KLHL6: variants seen among roughly 807,000 people sequenced by gnomAD.
The protein encoded by KLHL6 is kelch-like protein 6.
In KLHL6, 41 loss-of-function variants were observed where a neutral mutation model predicts 58.6. That is an observed-to-expected ratio of 0.70 (90% CI 0.55 to 0.91). The LOEUF (loss-of-function observed/expected upper bound fraction) is 0.91. Among genes scored for constraint, KLHL6 ranks in the 40% least tolerant of loss-of-function variants. The pLI, the probability that KLHL6 is intolerant of heterozygous loss-of-function variation, is 0.00. For missense variants in KLHL6, 714 were observed against 805.6 expected, an observed-to-expected ratio of 0.89 and a Z score of 1.38; for synonymous variants, 338 against 322.7, an observed-to-expected ratio of 1.05 and a Z score of -0.51.
intron 2 of KLHL6, among the ~76,000 whole-genome samples, chr3:183,515,667 C>T (rs1329667642): frequency 6.6e-6 from 1 of 152,210 alleles, no homozygotes; most frequent in Non-Finnish European, 1.5e-5. Flanking sequence ...ACATGGAATC[C>T]CTCCCTCCTC....
At chr3:183,551,272 G>C (rs1413442341) in intron 1 of KLHL6, among the ~76,000 whole-genome samples, 3 of 152,142 alleles carry the variant, frequency 2.0e-5, no homozygotes, top group Non-Finnish European at 4.4e-5. Flanking sequence ...ACAGTCCCGG[G>C]GAATGATGGA....
chr3:183,517,948 C>T (rs1001560711), intron 2 of KLHL6, among the ~76,000 whole-genome samples: 17 of 152,128 alleles, frequency 1.1e-4, no homozygotes, highest in East Asian at 1.9e-4. Context: ...GAAGCAGCCC[C>T]GTGAACACAG....
In KLHL6 at chr3:183,499,518, T is replaced by A. The variant is rs537827129; in HGVS notation, c.1147+72A>T. ...TTCACAGTAATTCTTCTAGGATGGT[T>A]GCCTGGCTGCCACTCAGGAATATAT... On this transcript the variant is annotated intron_variant, in intron 4 of 6. Coordinates refer to ENST00000341319, the MANE Select transcript of KLHL6 (RefSeq NM_130446.4). The surrounding 1 kb of genome is among the most constrained non-coding windows in gnomAD (Gnocchi z 4.6). The A allele has an allele frequency of 5.7e-5, 57 of 1,001,202 alleles. 1 individual carries two copies. The East Asian group carries it at 1.4e-3, about 24-fold the overall frequency. 62.0% of individuals were successfully genotyped at this position (1,001,202 alleles called of 1,614,324 possible).
chr3:183,538,366 A>AT (rs1040099457), intron 1 of KLHL6, among the ~76,000 whole-genome samples: 7 of 151,912 alleles, frequency 4.6e-5, no homozygotes, highest in Non-Finnish European at 1.0e-4. Context: ...CACTCCCACT[A>AT]TCTCACTCCT....
intron 2 of KLHL6, among the ~76,000 whole-genome samples, chr3:183,518,242 ACT>A (rs373925657): frequency 6.6e-6 from 1 of 151,480 alleles, no homozygotes; most frequent in Non-Finnish European, 1.5e-5. Context: ...TGAGCTGAAC[ACT>A]CTCTCTCTCT....
chr3:183,491,721 C>A lies in KLHL6; in HGVS notation c.*206G>T, dbSNP rs1448428950. On this transcript the variant is annotated 3_prime_UTR_variant, in exon 7 of 7. Coordinates refer to ENST00000341319, the MANE Select transcript of KLHL6 (RefSeq NM_130446.4). ...AATATTACTCTTCCTCGCCTCCCCT[C>A]CTGAGGTAGGTCATGCAAACATTCC... The A allele has an allele frequency of 4.7e-6, 2 of 429,412 alleles. No individual in the cohort carries two copies. The highest frequency in any genetic ancestry group is 8.1e-6 in the Non-Finnish European group (2 of 246,916). The allele number at this position is 429,412 out of a possible 1,614,324, so 26.6% of individuals were successfully genotyped here.
In KLHL6 at chr3:183,491,987, G is replaced by A. The variant is rs762141626; in HGVS notation, c.1806C>T (p.Val602=). The change falls in exon 7 of 7, where the codon GTC becomes GTT. Residue 602 remains valine (V), a synonymous_variant. Transcript: ENST00000341319. The stretch of plus-strand genomic sequence containing the variant: ...TGTGGGTGTACGACTTCCTGATGGT[G>A]ACGCTGCCGTGGTGCGACACGCCCC... The part of the protein sequence containing the change: ...LPRGVSHHGS[V]TIRKSYTHIR... 3 of 1,578,146 alleles carry A rather than the reference G, an allele frequency of 1.9e-6. No individual in the cohort carries two copies. Among genetic ancestry groups the A allele is most frequent in the Non-Finnish European group, 2.6e-6 (3 of 1,159,868 alleles).
Position 183,489,191 on chromosome 3 carries a change from C to T in KLHL6, c.*2736G>A, listed in dbSNP as rs1411984027. ...GGCGCTGTCTTTTTGAAGGGAGGCT[C>T]CCTGTGTATGCCAGTACCATTGTCA... On this transcript the variant is annotated 3_prime_UTR_variant, in exon 7 of 7. Coordinates refer to ENST00000341319, the MANE Select transcript of KLHL6 (RefSeq NM_130446.4). 6.6e-6 allele frequency: 1 copy of T among 152,150 alleles called. No individual in the cohort carries two copies. The highest frequency in any genetic ancestry group is 1.5e-5 in the Non-Finnish European group (1 of 68,030). The allele number at this position is 152,150 out of a possible 1,614,324, so 9.4% of individuals were successfully genotyped here. A position where few individuals can be genotyped will look rare whatever the true frequency, so the allele number is the denominator to read the frequency against.
At chr3:183,555,294 T>A (rs1027091659) in intron 1 of KLHL6, 67 bp downstream of exon 1, 6 of 1,354,734 alleles carry the variant, frequency 4.4e-6, no homozygotes, top group Non-Finnish European at 6.2e-6. Context: ...AAGATTGGGC[T>A]CTCACACTAA....
At position 183,489,877 on chromosome 3, in the gene KLHL6, A is replaced by G. The variant is rs1252100266; in HGVS notation, c.*2050T>C. 2.0e-5 allele frequency: 3 copies of G among 152,360 alleles called. No individual in the cohort carries two copies. Among genetic ancestry groups the G allele is most frequent in the South Asian group, 2.1e-4 (1 of 4,830 alleles). The allele number at this position is 152,360 out of a possible 1,614,324, so 9.4% of individuals were successfully genotyped here. A position where few individuals can be genotyped will look rare whatever the true frequency, so the allele number is the denominator to read the frequency against. ...AGCTTCTTCTAACCGTGACTGTTTAATGAAAATTCAATTCACTATCAACTC... is the reference window on the plus strand; with the variant it reads ...AGCTTCTTCTAACCGTGACTGTTTAGTGAAAATTCAATTCACTATCAACTC... On this transcript the variant is annotated 3_prime_UTR_variant, in exon 7 of 7. Transcript: ENST00000341319.
chr3:183,528,257 ATTTTATTGGC>A (rs1196380890), intron 1 of KLHL6, among the ~76,000 whole-genome samples: 9 of 152,124 alleles, frequency 5.9e-5, no homozygotes, highest in Non-Finnish European at 1.2e-4. Context: ...TCCCAGATCT[ATTTTATTGGC>A]TTTTATTGGC....
intron 2 of KLHL6, among the ~76,000 whole-genome samples, chr3:183,518,042 C>G (rs888979829): frequency 2.0e-5 from 3 of 152,184 alleles, no homozygotes; most frequent in African/African-American, 7.2e-5. Flanking sequence ...TACTTTTCTC[C>G]CAATCCTACT....
At position 183,490,537 on chromosome 3, in the gene KLHL6, T is replaced by A. The variant is rs1415023133; in HGVS notation, c.*1390A>T. On this transcript the variant is annotated 3_prime_UTR_variant, in exon 7 of 7. Coordinates refer to ENST00000341319, the MANE Select transcript of KLHL6 (RefSeq NM_130446.4). Reference sequence around the variant, plus strand: ...TTAAAAAAAAAAAGACCGGGCCCAGTGGCTCACACCTGTAATCCCAGCACT... The same window carrying A: ...TTAAAAAAAAAAAGACCGGGCCCAGAGGCTCACACCTGTAATCCCAGCACT... 1 of 150,662 alleles carries A rather than the reference T, an allele frequency of 6.6e-6. No individual in the cohort carries two copies. The highest frequency in any genetic ancestry group is 2.4e-5 in the African/African-American group (1 of 40,936). The allele number at this position is 150,662 out of a possible 1,614,324, so 9.3% of individuals were successfully genotyped here. A position where few individuals can be genotyped will look rare whatever the true frequency, so the allele number is the denominator to read the frequency against.
Position 183,490,783 on chromosome 3 carries a change from C to G in KLHL6, c.*1144G>C, listed in dbSNP as rs776733038. ...TCATGCCACTGCACTCCAGCCTGGG[C>G]GACTTCATCTCAAAAAAAAAAAAAA... On this transcript the variant is annotated 3_prime_UTR_variant, in exon 7 of 7. Transcript: ENST00000341319. The G allele has an allele frequency of 3.5e-5, 5 of 141,894 alleles. No individual in the cohort carries two copies. Among genetic ancestry groups the G allele is most frequent in the Admixed American group, 2.8e-4 (4 of 14,186 alleles). The allele number at this position is 141,894 out of a possible 1,614,324, so 8.8% of individuals were successfully genotyped here.
At chr3:183,507,621 G>C (rs1027085351) in intron 3 of KLHL6, among the ~76,000 whole-genome samples, 1 of 152,078 alleles carries the variant, frequency 6.6e-6, no homozygotes, top group Admixed American at 6.5e-5. Flanking sequence ...TTTAAGTAGA[G>C]ACAGGGTTTC....
chr3:183,545,697 C>A lies in KLHL6; in HGVS notation c.293+9664G>T, dbSNP rs548838004. On this transcript the variant is annotated intron_variant, in intron 1 of 6. Coordinates refer to ENST00000341319, the MANE Select transcript of KLHL6 (RefSeq NM_130446.4). ...AGAACCCCTCTCCCCACTCCCAGTG[C>A]AAAAAAACAAAAGAACTGCAAGAGT... 2.0e-3 allele frequency among the ~76,000 whole-genome samples: 306 copies of A among 152,038 alleles called. 1 individual carries two copies. The highest frequency in any genetic ancestry group is 6.9e-3 in the African/African-American group (286 of 41,470).
Position 183,491,239 on chromosome 3 carries a change from A to G in KLHL6, c.*688T>C, listed in dbSNP as rs1717542659. The G allele has an allele frequency of 6.6e-6, 1 of 152,100 alleles. No individual in the cohort carries two copies. The highest frequency in any genetic ancestry group is 2.1e-4 in the South Asian group (1 of 4,820). The allele number at this position is 152,100 out of a possible 1,614,324, so 9.4% of individuals were successfully genotyped here. A position where few individuals can be genotyped will look rare whatever the true frequency, so the allele number is the denominator to read the frequency against. ...ATCCTCCTGCCTCAGCCTCCTGAGT[A>G]GCTGGAATTACAGGCGCCTGCCACT... is the stretch of plus-strand genomic sequence containing the variant. On this transcript the variant is annotated 3_prime_UTR_variant, in exon 7 of 7. Coordinates refer to ENST00000341319, the MANE Select transcript of KLHL6 (RefSeq NM_130446.4).
rs1717542584 is a variant in KLHL6 at position 183,491,237 on chromosome 3, G to A, written c.*690C>T. 6.6e-6 allele frequency: 1 copy of A among 152,192 alleles called. No homozygotes were observed. Among genetic ancestry groups the A allele is most frequent in the Non-Finnish European group, 1.5e-5 (1 of 68,106 alleles). The allele number at this position is 152,192 out of a possible 1,614,324, so 9.4% of individuals were successfully genotyped here. Reference sequence around the variant, plus strand: ...TGATCCTCCTGCCTCAGCCTCCTGAGTAGCTGGAATTACAGGCGCCTGCCA... The same window carrying A: ...TGATCCTCCTGCCTCAGCCTCCTGAATAGCTGGAATTACAGGCGCCTGCCA... On this transcript the variant is annotated 3_prime_UTR_variant, in exon 7 of 7. Coordinates refer to ENST00000341319, the MANE Select transcript of KLHL6 (RefSeq NM_130446.4).
In KLHL6 at chr3:183,508,563, G is replaced by C. The variant is rs1429935227; in HGVS notation, c.460-55C>G. 3 of 1,524,700 alleles carry C rather than the reference G, an allele frequency of 2.0e-6. No individual in the cohort carries two copies. In the African/African-American group the frequency reaches 4.1e-5, roughly 21 times the overall value. 94.4% of individuals were successfully genotyped at this position (1,524,700 alleles called of 1,614,324 possible). Reference sequence around the variant, plus strand: ...CCAGAAAATGGTGAGTCCACAAGGAGGTTTATCAGTGAGTTATGTGTATTA... The same window carrying C: ...CCAGAAAATGGTGAGTCCACAAGGACGTTTATCAGTGAGTTATGTGTATTA... On this transcript the variant is annotated intron_variant, in intron 2 of 6. Coordinates refer to ENST00000341319, the MANE Select transcript of KLHL6 (RefSeq NM_130446.4).
Sources: gnomAD v4.1 joint callset for allele counts (sites outside exome capture counted in the v4.1 genomes callset) on GRCh38, gnomAD v4.1.1 for gene constraint, Gnocchi (gnomAD v3.1) non-coding constraint, MANE v1.5 for transcripts, NCBI Gene and HGNC (gene_info 2026-07-23, HGNC 2026-07-21) for gene names.